Variants in STK33 observed in about 807,000 individuals in gnomAD.
STK33 encodes the protein serine/threonine-protein kinase 33.
In STK33, 52 loss-of-function variants were observed where a neutral mutation model predicts 58.0. The observed-to-expected ratio is 0.90, with a 90% CI of 0.72 to 1.13. STK33 has a LOEUF of 1.13. Ranked by LOEUF, STK33 falls within the 50% of genes most tolerant of loss-of-function variation. The pLI is 0.00. For synonymous variants in STK33, 215 were observed against 200.1 expected (o/e 1.07, Z -0.63); for missense variants, 630 against 604.2 (o/e 1.04, Z -0.45).
At chr11:8,344,229 A>ACACACACACACACACACACACC in the STK33 span, among the ~76,000 whole-genome samples, 4 of 150,492 alleles carry the variant, frequency 2.7e-5, no homozygotes, top group East Asian at 3.9e-4. Flanking sequence ...ACACACACAC[A>ACACACACACACACACACACACC]CCCCAGTTAG....
the STK33 span, among the ~76,000 whole-genome samples, chr11:8,356,343 G>A: frequency 0.37 from 55,620 of 151,946 alleles, 10,500 homozygotes; most frequent in Middle Eastern, 0.44. Context: ...GGGCCTTAGG[G>A]GAAGGGGCTG....
intron 7 of STK33, 59 bp downstream of exon 7, chr11:8,464,649 GT>G (rs1264416150): frequency 7.9e-7 from 1 of 1,261,138 alleles, no homozygotes; most frequent in Non-Finnish European, 1.2e-6. Flanking sequence ...AAGCTGTACT[GT>G]CCACACCCAC....
At position 8,408,889 on chromosome 11, in the gene STK33, C is replaced by G. The variant is rs138480059; in HGVS notation, c.1344+4606G>C. ...TAATTCCCCCTGCAATTAGTTGTGA[C>G]AGCATATGTGAAATGTTGCCAACCA... On this transcript the variant is annotated intron_variant, in intron 15 of 15. Transcript: ENST00000687296. 3.2e-4 allele frequency among the ~76,000 whole-genome samples: 48 copies of G among 152,290 alleles called. 1 individual carries two copies. Among genetic ancestry groups the G allele is most frequent in the East Asian group, 2.3e-3 (12 of 5,176 alleles).
intron 1 of STK33, among the ~76,000 whole-genome samples, chr11:8,547,740 C>G (rs1956036829): frequency 6.6e-6 from 1 of 152,122 alleles, no homozygotes; most frequent in Non-Finnish European, 1.5e-5. Context: ...TCCCATTTGT[C>G]TATTTTCGCT....
At chr11:8,344,198 A>C in the STK33 span, among the ~76,000 whole-genome samples, 5 of 137,118 alleles carry the variant, frequency 3.6e-5, no homozygotes, top group East Asian at 2.2e-4. Flanking sequence ...AAACAAACAA[A>C]ACACACACAC....
chr11:8,372,061 G>A, the STK33 span, among the ~76,000 whole-genome samples: 2 of 151,842 alleles, frequency 1.3e-5, no homozygotes, highest in East Asian at 3.9e-4. Context: ...GTAGAGATGG[G>A]GCTCACTTTG....
chr11:8,425,941 T>G (rs545092806), intron 14 of STK33, among the ~76,000 whole-genome samples: 1 of 152,004 alleles, frequency 6.6e-6, no homozygotes, highest in Admixed American at 6.6e-5. Context: ...CATCTGGAGG[T>G]GAATGTTTAC....
At chr11:8,399,835 A>C (rs1850065051) in intron 15 of STK33, among the ~76,000 whole-genome samples, 1 of 152,250 alleles carries the variant, frequency 6.6e-6, no homozygotes. Flanking sequence ...AGAATACTAT[A>C]AACACCTCTA....
chr11:8,539,453 T>A (rs1955328688), intron 1 of STK33, among the ~76,000 whole-genome samples: 1 of 152,148 alleles, frequency 6.6e-6, no homozygotes. Flanking sequence ...AGCTGGCCAA[T>A]ATGAAGATGA....
At chr11:8,531,970 G>C (rs879755835) in intron 1 of STK33, among the ~76,000 whole-genome samples, 2 of 152,182 alleles carry the variant, frequency 1.3e-5, no homozygotes, top group Non-Finnish European at 2.9e-5. Flanking sequence ...TAAGAAAAGT[G>C]ATTAAAGATC....
At chr11:8,519,940 C>T (rs1420115152) in intron 1 of STK33, among the ~76,000 whole-genome samples, 1 of 152,186 alleles carries the variant, frequency 6.6e-6, no homozygotes, top group Non-Finnish European at 1.5e-5. Context: ...ACCATTCCTT[C>T]TGAAGCTATT....
chr11:8,581,341 AC>A (rs1317984272), intron 1 of STK33, among the ~76,000 whole-genome samples: 1 of 151,966 alleles, frequency 6.6e-6, no homozygotes. Context: ...ACATAGTGAG[AC>A]CCCCATATAT....
At chr11:8,429,059 A>G (rs1036076937) in intron 14 of STK33, among the ~76,000 whole-genome samples, 1 of 152,166 alleles carries the variant, frequency 6.6e-6, no homozygotes, top group Non-Finnish European at 1.5e-5. Context: ...AATTCTGTGG[A>G]AGAAGTAGAA....
rs1259069513 is a variant in STK33, at chr11:8,473,268, T to A, written c.234A>T (p.Arg78Ser). The A allele has an allele frequency of 1.2e-6, 2 of 1,603,794 alleles. No homozygotes were observed. Among genetic ancestry groups the A allele is most frequent in the Non-Finnish European group, 1.7e-6 (2 of 1,175,382 alleles). ...DITSRKDLPS[R>S]TSNVERKASQ... Reference sequence around the variant, plus strand: ...ATGCTTTTCTCTCTACATTTGAGGTTCTTGAGGGCTGGGACCAAAAAAAAA... The same window carrying A: ...ATGCTTTTCTCTCTACATTTGAGGTACTTGAGGGCTGGGACCAAAAAAAAA... Residue 78 changes from arginine to serine, a missense_variant, in exon 6 of 16, where the codon AGA becomes AGT. By Grantham distance (110) the Arg-to-Ser change is moderately radical. Transcript: ENST00000687296.
intron 10 of STK33, among the ~76,000 whole-genome samples, chr11:8,453,798 C>T (rs964525047): frequency 6.6e-6 from 1 of 152,310 alleles, no homozygotes; most frequent in South Asian, 2.1e-4. Flanking sequence ...CATGTGATAT[C>T]ACCATTTTTC....
chr11:8,444,273 C>G (rs1164779318), intron 11 of STK33, among the ~76,000 whole-genome samples: 1 of 152,014 alleles, frequency 6.6e-6, no homozygotes, highest in East Asian at 1.9e-4. Flanking sequence ...TATATTTTTT[C>G]TCATTTAATT....
chr11:8,351,528 T>C, the STK33 span, among the ~76,000 whole-genome samples: 4 of 152,196 alleles, frequency 2.6e-5, no homozygotes, highest in Non-Finnish European at 2.9e-5. Flanking sequence ...TCTGGTGTTA[T>C]CAGCACCACA....
chr11:8,570,793 C>A (rs532222184), intron 1 of STK33, among the ~76,000 whole-genome samples: 1 of 152,262 alleles, frequency 6.6e-6, no homozygotes, highest in African/African-American at 2.4e-5. Context: ...CATTGTCTGG[C>A]AGTTTCATGG....
At chr11:8,544,101 G>C (rs1955725985) in intron 1 of STK33, among the ~76,000 whole-genome samples, 1 of 151,750 alleles carries the variant, frequency 6.6e-6, no homozygotes, top group South Asian at 2.1e-4. Context: ...ATGGTGGTTT[G>C]CTGCACCCAT....
Sources: allele counts gnomAD v4.1 joint callset (sites outside exome capture counted in the v4.1 genomes callset), GRCh38; gene constraint gnomAD v4.1.1; transcripts MANE v1.5; gene names NCBI Gene and HGNC (gene_info 2026-07-23, HGNC 2026-07-21).